LMAN2L: variants seen among roughly 807,000 people sequenced by gnomAD.
LMAN2L encodes lectin, mannose binding 2 like, also known as VIP36-like protein.
Under a neutral mutation model 44.3 loss-of-function variants are expected in LMAN2L, and 30 were observed. That is an observed-to-expected ratio of 0.68 (90% CI 0.51 to 0.92). The LOEUF is 0.92. LMAN2L is among the 40% of genes least tolerant of loss of function. The pLI, the probability that LMAN2L is intolerant of heterozygous loss-of-function variation, is 0.00. For synonymous variants in LMAN2L, 183 were observed against 171.1 expected (o/e 1.07, Z -0.54); for missense variants, 429 against 446.1 (o/e 0.96, Z 0.35).
rs768460693 is a variant in LMAN2L at position 96,740,033 on chromosome 2, G to A, written c.8C>T (p.Ala3Val). 6 of 1,605,314 alleles carry A rather than the reference G, an allele frequency of 3.7e-6. No homozygotes were observed. Among genetic ancestry groups the A allele is most frequent in the Non-Finnish European group, 5.1e-6 (6 of 1,175,804 alleles). ...CCACGACCCAAGGGGTCCCAGAGTC[G>A]CCGCCATCTTTCCCACCAACGACCC... MAATLGPLGSWQQ... is the reference protein window; with the variant it reads MAVTLGPLGSWQQ... The change falls in exon 1 of 8, where the codon GCG (alanine) becomes GTG (valine). Residue 3 changes from alanine to valine, a missense_variant. Transcript: ENST00000264963.
chr2:96,725,032 C>T (rs1431806899), intron 4 of LMAN2L, among the ~76,000 whole-genome samples: 6 of 152,002 alleles, frequency 3.9e-5, no homozygotes, highest in African/African-American at 1.4e-4. Flanking sequence ...GGGGTTTCAC[C>T]GTGTTACCCA....
intron 6 of LMAN2L, among the ~76,000 whole-genome samples, chr2:96,710,956 G>A (rs534418354): frequency 6.4e-4 from 97 of 152,260 alleles, no homozygotes; most frequent in African/African-American, 2.3e-3. Flanking sequence ...GAGAAGCTAC[G>A]AATCAGGCAT....
chr2:96,734,274 G>A (rs2078466602), intron 3 of LMAN2L, 135 bp downstream of exon 3: 2 of 691,030 alleles, frequency 2.9e-6, no homozygotes, highest in Non-Finnish European at 5.2e-6. Flanking sequence ...GAGACTAGAA[G>A]GGCCAGTGTT....
At chr2:96,733,779 G>C (rs1015289955) in intron 3 of LMAN2L, among the ~76,000 whole-genome samples, 178 bp from the exon 4 acceptor site, 1 of 152,206 alleles carries the variant, frequency 6.6e-6, no homozygotes, top group Non-Finnish European at 1.5e-5. Context: ...CAAGTGCCCA[G>C]TAAATATCTG....
At chr2:96,720,456 A>C (rs1558953790) in intron 4 of LMAN2L, among the ~76,000 whole-genome samples, 1 of 151,888 alleles carries the variant, frequency 6.6e-6, no homozygotes, top group Non-Finnish European at 1.5e-5. Context: ...ATAGTGCAAG[A>C]TAATCAGGTT....
intron 4 of LMAN2L, among the ~76,000 whole-genome samples, chr2:96,730,898 C>T (rs1434837164): frequency 1.3e-5 from 2 of 152,202 alleles, no homozygotes; most frequent in East Asian, 3.9e-4. Context: ...TAGTCTCGGT[C>T]TCCTGACCTC....
At chr2:96,716,110 T>G (rs1355411098) in intron 4 of LMAN2L, among the ~76,000 whole-genome samples, 1 of 152,208 alleles carries the variant, frequency 6.6e-6, no homozygotes, top group Non-Finnish European at 1.5e-5. Context: ...AAAGCACGAA[T>G]TCCCAGACCA....
intron 4 of LMAN2L, among the ~76,000 whole-genome samples, chr2:96,725,863 G>A (rs1008883859): frequency 9.2e-5 from 14 of 151,898 alleles, no homozygotes; most frequent in East Asian, 7.7e-4. Flanking sequence ...TGCCAGGCGC[G>A]GTACCTCACG....
chr2:96,707,383 G>A lies in LMAN2L; in HGVS notation c.920C>T (p.Pro307Leu), dbSNP rs893503821. 13 of 1,612,176 alleles carry A rather than the reference G, an allele frequency of 8.1e-6. No homozygotes were observed. Among genetic ancestry groups the A allele is most frequent in the African/African-American group, 1.3e-5 (1 of 75,022 alleles). ...GAAGAGGGCCAGGCCACTCAGGGGC[G>A]GCAGTGGAGCTGTCACTGAGGAAGC... ...MKLPEMTAPLPPLSGLALFLI... is the reference protein window; with the variant it reads ...MKLPEMTAPLLPLSGLALFLI... Residue 307 changes from proline (P) to leucine (L), a missense_variant, in exon 8 of 8, where the codon CCG becomes CTG. Physicochemically the swap from Pro to Leu is moderately conservative, Grantham distance 98. Transcript: ENST00000264963.
At chr2:96,735,929 T>C (rs1488851858) in intron 2 of LMAN2L, among the ~76,000 whole-genome samples, 2 of 150,520 alleles carry the variant, frequency 1.3e-5, no homozygotes, top group African/African-American at 4.9e-5. Flanking sequence ...GGAGGATCAT[T>C]TGAGCCCAGG....
At chr2:96,716,555 T>G (rs1036811854) in intron 4 of LMAN2L, among the ~76,000 whole-genome samples, 4 of 152,220 alleles carry the variant, frequency 2.6e-5, no homozygotes, top group Non-Finnish European at 4.4e-5. Flanking sequence ...GTTTGCAAAA[T>G]GTCCCTTAGG....
intron 4 of LMAN2L, among the ~76,000 whole-genome samples, chr2:96,732,160 G>A (rs573417478): frequency 6.6e-6 from 1 of 151,168 alleles, no homozygotes; most frequent in African/African-American, 2.4e-5. Context: ...GCCTTCTAAT[G>A]TTTTTTAAGT....
At chr2:96,728,613 C>T (rs1468049134) in intron 4 of LMAN2L, among the ~76,000 whole-genome samples, 2 of 151,666 alleles carry the variant, frequency 1.3e-5, no homozygotes, top group Admixed American at 6.6e-5. Flanking sequence ...GAGGCCGAGG[C>T]GGGTAGATTA....
At position 96,739,834 on chromosome 2, in the gene LMAN2L, C is replaced by G; in HGVS notation, c.187+20G>C. The stretch of plus-strand genomic sequence containing the variant: ...CGAAGCCCGCCCCACTGCACGACCA[C>G]CTCACCCTGGGCGCCTCACCCTGGT... On this transcript the variant is annotated intron_variant, in intron 1 of 7. Transcript: ENST00000264963. The G allele has an allele frequency of 6.2e-7, 1 of 1,611,764 alleles. No individual in the cohort carries two copies.
intron 4 of LMAN2L, among the ~76,000 whole-genome samples, chr2:96,717,020 G>A (rs1199650244): frequency 6.6e-6 from 1 of 152,102 alleles, no homozygotes; most frequent in African/African-American, 2.4e-5. Flanking sequence ...AAGGCCTGCA[G>A]ATTAGATAAT....
At chr2:96,729,018 A>G (rs11681534) in intron 4 of LMAN2L, among the ~76,000 whole-genome samples, 4,411 of 151,768 alleles carry the variant, frequency 0.029, 103 homozygotes, top group Non-Finnish European at 0.04. Context: ...TAAAAATATA[A>G]AAAATTAGCT....
intron 4 of LMAN2L, among the ~76,000 whole-genome samples, chr2:96,732,105 G>C (rs1046315616): frequency 6.6e-6 from 1 of 151,784 alleles, no homozygotes; most frequent in African/African-American, 2.4e-5. Context: ...TGCCCACCTC[G>C]GCCTCCCAAA....
chr2:96,721,504 C>T (rs1395317730), intron 4 of LMAN2L, among the ~76,000 whole-genome samples: 1 of 151,526 alleles, frequency 6.6e-6, no homozygotes, highest in African/African-American at 2.4e-5. Flanking sequence ...GGCAATTACT[C>T]CTACTTTGTT....
Position 96,707,170 on chromosome 2 carries a change from ACT to A in LMAN2L, c.*84_*85del. On this transcript the variant is annotated 3_prime_UTR_variant, in exon 8 of 8. Coordinates refer to ENST00000264963, the MANE Select transcript of LMAN2L (RefSeq NM_030805.4). ...CCAACCAGCTGCTAGAGACAAGAAC[ACT>A]CTCCAGGCTGCATGCTCAGGCCAGT... 1.5e-6 allele frequency: 2 copies of A among 1,315,416 alleles called. No individual in the cohort carries two copies. Among genetic ancestry groups the A allele is most frequent in the South Asian group, 1.4e-5 (1 of 70,840 alleles). 81.5% of individuals were successfully genotyped at this position (1,315,416 alleles called of 1,614,324 possible). A position where few individuals can be genotyped will look rare whatever the true frequency, so the allele number is the denominator to read the frequency against.
Sources: allele counts gnomAD v4.1 joint callset (sites outside exome capture counted in the v4.1 genomes callset), GRCh38; gene constraint gnomAD v4.1.1; transcripts MANE v1.5; gene names NCBI Gene and HGNC (gene_info 2026-07-23, HGNC 2026-07-21).